FAM114A1: variants seen among roughly 807,000 people sequenced by gnomAD.
FAM114A1 encodes family with sequence similarity 114 member A1.
FAM114A1 carries 62 observed loss-of-function variants against 64.3 expected under a neutral mutation model. The observed-to-expected ratio is 0.96, with a 90% CI of 0.79 to 1.19. The LOEUF (loss-of-function observed/expected upper bound fraction) is 1.19, where lower values mean the gene tolerates loss of function less well. Ranked by LOEUF, FAM114A1 falls within the 50% of genes most tolerant of loss-of-function variation. The pLI, the probability that FAM114A1 is intolerant of heterozygous loss-of-function variation, is 0.00. For synonymous variants in FAM114A1, 254 were observed against 251.1 expected, an observed-to-expected ratio of 1.01 and a Z score of -0.11; for missense variants, 645 against 676.3, an observed-to-expected ratio of 0.95 and a Z score of 0.51.
At chr4:38,942,571 A>G (rs868276313) in intron 14 of FAM114A1, among the ~76,000 whole-genome samples, 8 of 152,190 alleles carry the variant, frequency 5.3e-5, no homozygotes, top group South Asian at 2.1e-4. Flanking sequence ...ATGTTTTCAC[A>G]TGTTTTAGTT....
intron 9 of FAM114A1, 69 bp downstream of exon 9, chr4:38,922,962 A>G (rs1250728533): frequency 1.3e-5 from 19 of 1,505,068 alleles, no homozygotes; most frequent in African/African-American, 2.8e-5. Flanking sequence ...CTGTTAATGA[A>G]CACAGCCCTT....
Position 38,943,992 on chromosome 4 carries a change from A to T in FAM114A1, c.*435A>T, listed in dbSNP as rs948572485. Reference sequence around the variant, plus strand: ...CTAAAACTGAACTTTGTTTTGTTACATAAATGTCGCAGGCAAAAATAACAC... The same window carrying T: ...CTAAAACTGAACTTTGTTTTGTTACTTAAATGTCGCAGGCAAAAATAACAC... On this transcript the variant is annotated 3_prime_UTR_variant, in exon 15 of 15. Transcript: ENST00000358869. The T allele has an allele frequency of 1.3e-5, 2 of 153,846 alleles. No individual in the cohort carries two copies. Among genetic ancestry groups the T allele is most frequent in the African/African-American group, 4.8e-5 (2 of 41,412 alleles). 9.5% of individuals were successfully genotyped at this position (153,846 alleles called of 1,614,324 possible). A position where few individuals can be genotyped will look rare whatever the true frequency, so the allele number is the denominator to read the frequency against.
chr4:38,887,511 G>A (rs1235527092), intron 3 of FAM114A1, among the ~76,000 whole-genome samples: 1 of 152,156 alleles, frequency 6.6e-6, no homozygotes, highest in Admixed American at 6.5e-5. Context: ...TTACAGAGTT[G>A]ACTTAAAGAC....
At chr4:38,906,007 G>A in intron 6 of FAM114A1, 146 bp downstream of exon 6, 2 of 653,954 alleles carry the variant, frequency 3.1e-6, no homozygotes, top group Non-Finnish European at 5.0e-6. Flanking sequence ...AATGTTTTCT[G>A]CTACAAAGTA....
intron 8 of FAM114A1, among the ~76,000 whole-genome samples, chr4:38,917,952 C>A (rs1017961931): frequency 2.0e-5 from 3 of 152,032 alleles, no homozygotes; most frequent in African/African-American, 7.3e-5. Context: ...CGCGGTGACT[C>A]ACGCCTGTAA....
intron 3 of FAM114A1, among the ~76,000 whole-genome samples, chr4:38,891,533 G>A (rs566434701): frequency 2.1e-4 from 32 of 152,262 alleles, no homozygotes; most frequent in Middle Eastern, 3.4e-3. Context: ...GCCTTCAGAA[G>A]CCAACATCAG....
intron 9 of FAM114A1, among the ~76,000 whole-genome samples, chr4:38,924,943 A>G (rs1237767449): frequency 6.6e-6 from 1 of 152,224 alleles, no homozygotes; most frequent in African/African-American, 2.4e-5. Context: ...TCCCCCCAAC[A>G]TCAAGGAGAT....
At position 38,929,085 on chromosome 4, in the gene FAM114A1, C is replaced by T. The variant is rs1000802522; in HGVS notation, c.1070-157C>T. 106 of 622,844 alleles carry T rather than the reference C, an allele frequency of 1.7e-4. 1 individual carries two copies. The highest frequency in any genetic ancestry group is 1.2e-3 in the African/African-American group (66 of 54,910). The allele number at this position is 622,844 out of a possible 1,614,324, so 38.6% of individuals were successfully genotyped here. On this transcript the variant is annotated intron_variant, in intron 9 of 14. Coordinates refer to ENST00000358869, the MANE Select transcript of FAM114A1 (RefSeq NM_138389.4). The stretch of plus-strand genomic sequence containing the variant: ...ATCTGCTGCCTCACTGCCATGCTCA[C>T]GAATGGAAGACATTCATCTTTGCCC...
intron 4 of FAM114A1, among the ~76,000 whole-genome samples, chr4:38,892,677 G>A (rs150860798): frequency 4.7e-4 from 71 of 152,324 alleles, no homozygotes; most frequent in African/African-American, 1.6e-3. Flanking sequence ...AGAAGATAGG[G>A]GAAGCCACAG....
At chr4:38,903,522 G>A (rs1717702853) in intron 4 of FAM114A1, among the ~76,000 whole-genome samples, 1 of 152,122 alleles carries the variant, frequency 6.6e-6, no homozygotes, top group African/African-American at 2.4e-5. Flanking sequence ...GAGAATCATA[G>A]GTTGAGATTT....
intron 3 of FAM114A1, among the ~76,000 whole-genome samples, chr4:38,880,596 A>C (rs1715162297): frequency 6.6e-6 from 1 of 152,242 alleles, no homozygotes; most frequent in South Asian, 2.1e-4. Flanking sequence ...GTCAAGAATC[A>C]GCCCAAATAG....
chr4:38,886,185 T>C (rs1168050188), intron 3 of FAM114A1, among the ~76,000 whole-genome samples: 1 of 151,528 alleles, frequency 6.6e-6, no homozygotes, highest in Non-Finnish European at 1.5e-5. Context: ...TTTTTTTTTT[T>C]TTTTGAGACA....
chr4:38,894,729 C>A (rs1716748644), intron 4 of FAM114A1, among the ~76,000 whole-genome samples: 1 of 152,148 alleles, frequency 6.6e-6, no homozygotes, highest in African/African-American at 2.4e-5. Flanking sequence ...GAGTGTATGA[C>A]ATTTGCACAT....
At chr4:38,894,282 A>C (rs1716700994) in intron 4 of FAM114A1, among the ~76,000 whole-genome samples, 1 of 151,734 alleles carries the variant, frequency 6.6e-6, no homozygotes, top group Non-Finnish European at 1.5e-5. Flanking sequence ...GGTTGCTCTT[A>C]AAGTTTCTCT....
At chr4:38,931,760 G>C (rs776066405) in intron 11 of FAM114A1, 148 bp downstream of exon 11, 41 of 730,060 alleles carry the variant, frequency 5.6e-5, no homozygotes, top group Non-Finnish European at 8.0e-5. Context: ...GGCCAACATG[G>C]TGAAACCCTG....
intron 4 of FAM114A1, among the ~76,000 whole-genome samples, chr4:38,897,452 G>A (rs1291596480): frequency 6.6e-5 from 10 of 152,052 alleles, no homozygotes; most frequent in Non-Finnish European, 1.5e-4. Flanking sequence ...GAGGTTAAGG[G>A]AAAATGAGAA....
chr4:38,908,488 T>G, intron 6 of FAM114A1, 104 bp from the exon 7 acceptor site: 1 of 1,148,840 alleles, frequency 8.7e-7, no homozygotes, highest in Non-Finnish European at 1.2e-6. Context: ...TGACTTTATA[T>G]TGATTTTAAT....
intron 2 of FAM114A1, among the ~76,000 whole-genome samples, chr4:38,876,703 G>A (rs1350717422): frequency 6.6e-6 from 1 of 152,212 alleles, no homozygotes. Context: ...TTCTCTTGGA[G>A]TTCTGGAGGT....
chr4:38,919,122 C>T (rs1220862344), intron 8 of FAM114A1, among the ~76,000 whole-genome samples: 1 of 152,168 alleles, frequency 6.6e-6, no homozygotes, highest in Non-Finnish European at 1.5e-5. Flanking sequence ...CACTGCACTG[C>T]AGCCTAGGTG....
Sources: gnomAD v4.1 joint callset for allele counts (sites outside exome capture counted in the v4.1 genomes callset) on GRCh38, gnomAD v4.1.1 for gene constraint, MANE v1.5 for transcripts, NCBI Gene and HGNC (gene_info 2026-07-23, HGNC 2026-07-21) for gene names.